POU6F2: variants seen among roughly 807,000 people sequenced by gnomAD.
POU6F2 encodes the protein POU class 6 homeobox 2, also known as POU domain, class 6, transcription factor 2.
A neutral mutation model predicts 71.3 loss-of-function variants in POU6F2; 31 were observed. The observed-to-expected ratio is 0.43, with a 90% confidence interval of 0.33 to 0.59. The LOEUF is 0.59. POU6F2 is among the 20% of genes least tolerant of loss of function. The pLI is 0.04. For missense variants in POU6F2, 783 were observed against 856.8 expected, an observed-to-expected ratio of 0.91 and a Z score of 1.07; for synonymous variants, 347 against 355.7, an observed-to-expected ratio of 0.98 and a Z score of 0.27.
chr7:39,227,553 T>TC (rs1213694561), intron 4 of POU6F2, among the ~76,000 whole-genome samples: 2 of 142,298 alleles, frequency 1.4e-5, no homozygotes, highest in East Asian at 4.1e-4. Context: ...ATTGGTACCT[T>TC]TTTTTTTTTT....
chr7:39,370,183 T>C (rs1786580482), intron 5 of POU6F2, among the ~76,000 whole-genome samples: 1 of 152,166 alleles, frequency 6.6e-6, no homozygotes, highest in Non-Finnish European at 1.5e-5. Flanking sequence ...AAGTAGACAC[T>C]TCACAGATTT....
chr7:39,452,161 GGT>G lies in POU6F2; in HGVS notation c.1489+462_1489+463del, dbSNP rs1268012675. 2.0e-5 allele frequency among the ~76,000 whole-genome samples: 3 copies of G among 152,306 alleles called. No homozygotes were observed. The South Asian group carries it at 6.2e-4, about 32-fold the overall frequency. On this transcript the variant is annotated intron_variant, in intron 8 of 9. Transcript: ENST00000518318. Reference sequence around the variant, plus strand: ...ATAAAAGAGAGCATGCCTGTGGGCGGGTGGGTGTGTGTGTACAATAAGCCACC... The same window carrying G: ...ATAAAAGAGAGCATGCCTGTGGGCGGGGGTGTGTGTGTACAATAAGCCACC...
At chr7:39,146,198 G>T (rs1792623290) in intron 2 of POU6F2, among the ~76,000 whole-genome samples, 1 of 152,188 alleles carries the variant, frequency 6.6e-6, no homozygotes, top group Non-Finnish European at 1.5e-5. Context: ...TTCCCTGAAG[G>T]CTGAATAAGG....
intron 1 of POU6F2, among the ~76,000 whole-genome samples, chr7:39,063,434 A>G (rs1338378162): frequency 6.6e-6 from 1 of 152,228 alleles, no homozygotes; most frequent in African/African-American, 2.4e-5. Flanking sequence ...TTCACATTAG[A>G]AGATGAAAGT....
chr7:39,419,632 T>G (rs190309554), intron 6 of POU6F2, among the ~76,000 whole-genome samples: 1 of 152,312 alleles, frequency 6.6e-6, no homozygotes, highest in Admixed American at 6.5e-5. Context: ...AAATGGCAAT[T>G]GTTTATTTAG....
chr7:39,139,622 C>T (rs1792456524), intron 2 of POU6F2, among the ~76,000 whole-genome samples: 1 of 152,144 alleles, frequency 6.6e-6, no homozygotes. Flanking sequence ...GCTAGATTCT[C>T]CTTCTCAAGT....
intron 2 of POU6F2, among the ~76,000 whole-genome samples, chr7:39,173,324 A>T (rs533848254): frequency 6.6e-6 from 1 of 152,194 alleles, no homozygotes; most frequent in African/African-American, 2.4e-5. Flanking sequence ...CTGGAGTTTC[A>T]ACTAGCTCTG....
At chr7:39,196,754 A>G (rs1392191732) in intron 2 of POU6F2, among the ~76,000 whole-genome samples, 1 of 152,034 alleles carries the variant, frequency 6.6e-6, no homozygotes, top group African/African-American at 2.4e-5. Context: ...GCGAGACTCC[A>G]TCTCAAGAAA....
chr7:39,422,914 A>G (rs1273248178), intron 6 of POU6F2, among the ~76,000 whole-genome samples: 3 of 152,206 alleles, frequency 2.0e-5, no homozygotes, highest in Non-Finnish European at 2.9e-5. Flanking sequence ...AAGATCTAGA[A>G]AACTGCCTGA....
chr7:39,015,646 T>G (rs1436765191), intron 1 of POU6F2, among the ~76,000 whole-genome samples: 1 of 97,780 alleles, frequency 1.0e-5, no homozygotes. Context: ...ATGTTATATA[T>G]AGATATATAT....
intron 1 of POU6F2, among the ~76,000 whole-genome samples, chr7:39,076,687 A>G (rs1332010835): frequency 6.6e-6 from 1 of 152,134 alleles, no homozygotes; most frequent in Non-Finnish European, 1.5e-5. Context: ...GGAGGAGCCA[A>G]TATGGTCTCA....
rs150027272 is a variant in POU6F2, at chr7:39,365,365, T to A, written c.972+25350T>A. The stretch of plus-strand genomic sequence containing the variant: ...AGGAGAATGAAACTGGATCCTCATC[T>A]CTCACCTTATGCAAAAATCAACTCA... On this transcript the variant is annotated intron_variant, in intron 5 of 9. Transcript: ENST00000518318. Among the ~76,000 whole-genome samples the A allele has an allele frequency of 2.8e-3, 433 of 152,304 alleles. 1 individual carries two copies. The highest frequency in any genetic ancestry group is 1.0e-2 in the African/African-American group (415 of 41,558).
At chr7:39,030,926 G>C (rs995829571) in intron 1 of POU6F2, among the ~76,000 whole-genome samples, 2 of 151,902 alleles carry the variant, frequency 1.3e-5, no homozygotes, top group Admixed American at 1.3e-4. Flanking sequence ...TTTTGAGACA[G>C]AGTCCCGCTC....
intron 5 of POU6F2, among the ~76,000 whole-genome samples, chr7:39,342,561 A>G (rs1785940960): frequency 6.6e-6 from 1 of 152,204 alleles, no homozygotes; most frequent in African/African-American, 2.4e-5. Context: ...AGAACTATGC[A>G]ATGTAGATTA....
chr7:39,382,896 A>G (rs916332684), intron 5 of POU6F2, among the ~76,000 whole-genome samples: 3 of 152,310 alleles, frequency 2.0e-5, no homozygotes, highest in African/African-American at 7.2e-5. Flanking sequence ...TCATAATAAT[A>G]CCCTGGAGTC....
intron 1 of POU6F2, among the ~76,000 whole-genome samples, chr7:39,010,782 C>T (rs1274566692): frequency 6.9e-6 from 1 of 145,822 alleles, no homozygotes; most frequent in Non-Finnish European, 1.5e-5. Context: ...TCGTTATGTA[C>T]CCAGTAGTCA....
chr7:39,464,351 T>C lies in POU6F2; in HGVS notation c.1828T>C (p.Trp610Arg), dbSNP rs1364517419. ...AQKIKPVLER[W>R]MAEAEARHRA... ...GAAGATCAAGCCGGTGCTTGAGCGG[T>C]GGATGGCTGAGGCTGAGGCCCGCCA... Residue 610 changes from tryptophan (W) to arginine (R), a missense_variant, in exon 10 of 10, where the codon TGG (tryptophan) becomes CGG (arginine). Trp to Arg is a moderately radical substitution (Grantham distance 101). Transcript: ENST00000518318. This position sits in a 1 kb window ranked among gnomAD's most constrained non-coding sequence, Gnocchi z 4.1. 1.9e-6 allele frequency: 3 copies of C among 1,614,028 alleles called. No homozygotes were observed. The highest frequency in any genetic ancestry group is 8.5e-7 in the Non-Finnish European group (1 of 1,179,892).
intron 4 of POU6F2, among the ~76,000 whole-genome samples, chr7:39,210,608 C>A (rs750312341): frequency 1.1e-4 from 17 of 152,146 alleles, no homozygotes; most frequent in East Asian, 3.9e-4. Context: ...CATGCTGTTA[C>A]ACTGAGAGCA....
intron 4 of POU6F2, among the ~76,000 whole-genome samples, chr7:39,267,077 T>C (rs1039633751): frequency 1.3e-5 from 2 of 152,208 alleles, no homozygotes; most frequent in African/African-American, 4.8e-5. Context: ...AGAATTATTT[T>C]GGAGGGCTCC....
Sources: gnomAD v4.1 joint callset for allele counts (sites outside exome capture counted in the v4.1 genomes callset) on GRCh38, gnomAD v4.1.1 for gene constraint, Gnocchi (gnomAD v3.1) non-coding constraint, MANE v1.5 for transcripts, NCBI Gene and HGNC (gene_info 2026-07-23, HGNC 2026-07-21) for gene names.